The following SEC61A2 variants were observed in gnomAD, a reference collection of about 807,000 sequenced individuals.
SEC61A2 encodes the protein protein transport protein Sec61 subunit alpha isoform 2.
SEC61A2 carries 28 observed loss-of-function variants against 59.9 expected under a neutral mutation model. The observed-to-expected ratio is 0.47, with a 90% CI of 0.35 to 0.64. SEC61A2 has a LOEUF of 0.64. Among genes scored for constraint, SEC61A2 ranks in the 30% least tolerant of loss-of-function variants. SEC61A2 has a pLI of 0.01. For missense variants in SEC61A2, 340 were observed against 585.9 expected (o/e 0.58, Z 4.33); for synonymous variants, 202 against 214.4 (o/e 0.94, Z 0.50).
At chr10:12,148,924 A>G (rs915564612) in intron 4 of SEC61A2, among the ~76,000 whole-genome samples, 12 of 152,164 alleles carry the variant, frequency 7.9e-5, no homozygotes, top group Admixed American at 3.3e-4. Flanking sequence ...AAGGTGGACT[A>G]TTTTCTCATA....
chr10:12,168,832 G>A (rs942699249), downstream of SEC61A2, among the ~76,000 whole-genome samples: 1 of 151,998 alleles, frequency 6.6e-6, no homozygotes, highest in Non-Finnish European at 1.5e-5. This position sits in a 1 kb window ranked among gnomAD's most constrained non-coding sequence, Gnocchi z 4.8. Flanking sequence ...CCACGATCTT[G>A]GCTCACTGCA....
chr10:12,167,776 T>G, downstream of SEC61A2: 1 of 1,614,194 alleles, frequency 6.2e-7, no homozygotes, highest in Non-Finnish European at 8.5e-7. Flanking sequence ...GAATAGACCC[T>G]GGCGTCCACT....
In SEC61A2 at chr10:12,157,048, CTGT is replaced by C; in HGVS notation, c.763_765del (p.Val255del). ...CTCATTGCTACAGTTTTTGTGTTTG[CTGT>C]TGTTATATATTTCCAAGTAAGTATA... On this transcript the variant is annotated inframe_deletion, in exon 8 of 12. Transcript: ENST00000298428. The C allele has an allele frequency of 6.2e-7, 1 of 1,613,986 alleles. No individual in the cohort carries two copies. The highest frequency in any genetic ancestry group is 1.1e-5 in the South Asian group (1 of 91,084).
Position 12,133,325 on chromosome 10 carries a change from A to C in SEC61A2, c.75+17A>C, listed in dbSNP as rs752862106. 3 of 1,306,972 alleles carry C rather than the reference A, an allele frequency of 2.3e-6. No homozygotes were observed. The highest frequency in any genetic ancestry group is 3.3e-6 in the Non-Finnish European group (3 of 905,542). 81.0% of individuals were successfully genotyped at this position (1,306,972 alleles called of 1,614,324 possible). Reference sequence around the variant, plus strand: ...GAAAGGAAAGTAAGTATAATATTTTAGTAATATAGAGGGTAGCTCAAGGGC... The same window carrying C: ...GAAAGGAAAGTAAGTATAATATTTTCGTAATATAGAGGGTAGCTCAAGGGC... On this transcript the variant is annotated intron_variant, in intron 2 of 11. Transcript: ENST00000298428.
chr10:12,168,303 C>T (rs1000443631), downstream of SEC61A2, among the ~76,000 whole-genome samples: 4 of 152,158 alleles, frequency 2.6e-5, no homozygotes, highest in Non-Finnish European at 4.4e-5. This position sits in a 1 kb window ranked among gnomAD's most constrained non-coding sequence, Gnocchi z 4.8. Flanking sequence ...GGATTACAGG[C>T]GTGAGCTACC....
At chr10:12,167,958 T>C, downstream of SEC61A2, 1 of 1,383,004 alleles carries the variant, frequency 7.2e-7, no homozygotes, top group South Asian at 1.6e-5. Flanking sequence ...TCTATAAGGA[T>C]CTTAAAGAAT....
Position 12,155,495 on chromosome 10 carries a change from A to G in SEC61A2, c.463-283A>G, listed in dbSNP as rs1834375795. On this transcript the variant is annotated intron_variant, in intron 6 of 11. Coordinates refer to ENST00000298428, the MANE Select transcript of SEC61A2 (RefSeq NM_018144.4). This position sits in a 1 kb window ranked among gnomAD's most constrained non-coding sequence, Gnocchi z 4.3. ...TCAGTGTGCTTTTCAAACAGGCTTT[A>G]TTTAAACATTGCAAAAGAAACTATT... 1 of 738,484 alleles carries G rather than the reference A, an allele frequency of 1.4e-6. No homozygotes were observed. Among genetic ancestry groups the G allele is most frequent in the Admixed American group, 3.2e-5 (1 of 31,688 alleles). 45.7% of individuals were successfully genotyped at this position (738,484 alleles called of 1,614,324 possible). A position where few individuals can be genotyped will look rare whatever the true frequency, so the allele number is the denominator to read the frequency against.
At chr10:12,168,475 G>C (rs1425014834), downstream of SEC61A2, among the ~76,000 whole-genome samples, 1 of 152,148 alleles carries the variant, frequency 6.6e-6, no homozygotes, top group Non-Finnish European at 1.5e-5. This position sits in a 1 kb window ranked among gnomAD's most constrained non-coding sequence, Gnocchi z 4.8. Flanking sequence ...TCTGCTGCTA[G>C]GGGATACATA....
Position 12,149,834 on chromosome 10 carries a change from C to T in SEC61A2, c.353-18C>T. 1.9e-6 allele frequency: 3 copies of T among 1,609,604 alleles called. No individual in the cohort carries two copies. The highest frequency in any genetic ancestry group is 1.7e-6 in the Non-Finnish European group (2 of 1,176,328). ...TTTGGTGGTAAGCGTGCTCTCCTTT[C>T]CCCCCAACTTTCATCAGTGTTTGGT... is the stretch of plus-strand genomic sequence containing the variant. On this transcript the variant is annotated intron_variant, in intron 5 of 11. Transcript: ENST00000298428. This position sits in a 1 kb window ranked among gnomAD's most constrained non-coding sequence, Gnocchi z 5.2.
downstream of SEC61A2, chr10:12,167,761 C>T (rs1834740369): frequency 2.5e-6 from 4 of 1,614,120 alleles, no homozygotes; most frequent in South Asian, 1.1e-5. Flanking sequence ...AGTGCTAGAG[C>T]GTAGGAATAG....
chr10:12,136,383 C>T (rs1417324660), intron 3 of SEC61A2, among the ~76,000 whole-genome samples: 1 of 152,132 alleles, frequency 6.6e-6, no homozygotes, highest in East Asian at 1.9e-4. Flanking sequence ...TCTCGGCTCA[C>T]CGCAACCTCT....
Position 12,158,363 on chromosome 10 carries a change from G to A in SEC61A2, c.975+258G>A, listed in dbSNP as rs1834455136. On this transcript the variant is annotated intron_variant, in intron 9 of 11. Transcript: ENST00000298428. The surrounding 1 kb of genome is among the most constrained non-coding windows in gnomAD (Gnocchi z 5.7). ...GAATGACCTTTTAAGCTAAAATTGT[G>A]GTTGATTTCATAAAAGTAATTTCCT... The A allele has an allele frequency of 2.4e-6, 1 of 415,344 alleles. No homozygotes were observed. The highest frequency in any genetic ancestry group is 2.8e-5 in the South Asian group (1 of 35,128). The allele number at this position is 415,344 out of a possible 1,614,324, so 25.7% of individuals were successfully genotyped here. A position where few individuals can be genotyped will look rare whatever the true frequency, so the allele number is the denominator to read the frequency against.
intron 4 of SEC61A2, among the ~76,000 whole-genome samples, chr10:12,144,749 T>C (rs1322815291): frequency 6.6e-6 from 1 of 152,084 alleles, no homozygotes; most frequent in African/African-American, 2.4e-5. Context: ...GCTTGGTGTG[T>C]TCAAAGATCA....
At chr10:12,167,951 A>G (rs1834747743), downstream of SEC61A2, 4 of 1,416,840 alleles carry the variant, frequency 2.8e-6, no homozygotes, top group South Asian at 1.5e-5. Flanking sequence ...TTTTTGGTCT[A>G]TAAGGATCTT....
chr10:12,155,804 G>A lies in SEC61A2; in HGVS notation c.489G>A (p.Leu163=). The A allele has an allele frequency of 6.2e-7, 1 of 1,614,210 alleles. No individual in the cohort carries two copies. The highest frequency in any genetic ancestry group is 8.5e-7 in the Non-Finnish European group (1 of 1,180,044). The change falls in exon 7 of 12, where the codon CTG becomes CTA. Residue 163 remains leucine, a synonymous_variant. Coordinates refer to ENST00000298428, the MANE Select transcript of SEC61A2 (RefSeq NM_018144.4). The surrounding 1 kb of genome is among the most constrained non-coding windows in gnomAD (Gnocchi z 4.3). ...IQLFVAGLIV[L]LLDELLQKGY... is the part of the protein sequence containing the mutation. ...TGTTTGTTGCTGGTTTGATTGTGCTGCTGTTAGATGAGCTGCTACAGAAGG... is the reference window on the plus strand; with the variant it reads ...TGTTTGTTGCTGGTTTGATTGTGCTACTGTTAGATGAGCTGCTACAGAAGG...
rs1834453938 is a variant in SEC61A2, at chr10:12,158,311, T to C, written c.975+206T>C. On this transcript the variant is annotated intron_variant, in intron 9 of 11. Transcript: ENST00000298428. This position sits in a 1 kb window ranked among gnomAD's most constrained non-coding sequence, Gnocchi z 5.7. ...CCAAGCGCTTTTTATTATTTTGCTCTCTAGGAAGCACTTTCACATCTCATT... is the reference window on the plus strand; with the variant it reads ...CCAAGCGCTTTTTATTATTTTGCTCCCTAGGAAGCACTTTCACATCTCATT... The C allele has an allele frequency of 1.9e-6, 1 of 531,478 alleles. No individual in the cohort carries two copies. Among genetic ancestry groups the C allele is most frequent in the South Asian group, 2.5e-5 (1 of 40,618 alleles). 32.9% of individuals were successfully genotyped at this position (531,478 alleles called of 1,614,324 possible). A position where few individuals can be genotyped will look rare whatever the true frequency, so the allele number is the denominator to read the frequency against.
At chr10:12,169,328 A>G (rs1463390433), downstream of SEC61A2, 1 of 1,550,978 alleles carries the variant, frequency 6.4e-7, no homozygotes, top group Non-Finnish European at 8.7e-7. The surrounding 1 kb of genome is among the most constrained non-coding windows in gnomAD (Gnocchi z 4.8). Context: ...CTTCTACTAA[A>G]AGATAACCCC....
chr10:12,166,221 G>T (rs1834685774), downstream of SEC61A2: 1 of 153,060 alleles, frequency 6.5e-6, no homozygotes, highest in East Asian at 1.9e-4. Context: ...TATGTGGAAA[G>T]ACTGGGCTGC....
downstream of SEC61A2, chr10:12,166,399 G>C: frequency 6.3e-6 from 1 of 159,842 alleles, no homozygotes; most frequent in South Asian, 1.6e-4. Flanking sequence ...GAAGTAGTTG[G>C]ATCTTAATTT....
Sources: gnomAD v4.1 joint callset for allele counts (sites outside exome capture counted in the v4.1 genomes callset) on GRCh38, gnomAD v4.1.1 for gene constraint, Gnocchi (gnomAD v3.1) non-coding constraint, MANE v1.5 for transcripts, NCBI Gene and HGNC (gene_info 2026-07-23, HGNC 2026-07-21) for gene names.